Variants in UBAP2L observed in about 807,000 individuals in gnomAD.
UBAP2L encodes the protein ubiquitin associated protein 2 like.
A neutral mutation model predicts 130.6 loss-of-function variants in UBAP2L; 12 were observed. The observed-to-expected ratio is 0.09, with a 90% CI of 0.06 to 0.15. UBAP2L has a LOEUF of 0.15. UBAP2L is among the 10% of genes least tolerant of loss of function. The pLI, the probability that UBAP2L is intolerant of heterozygous loss-of-function variation, is 1.00. For missense variants in UBAP2L, 965 were observed against 1,332.5 expected (o/e 0.72, Z 4.29); for synonymous variants, 503 against 524.7 (o/e 0.96, Z 0.57).
At chr1:154,230,648 C>T (rs1349663287) in intron 4 of UBAP2L, among the ~76,000 whole-genome samples, 5 of 152,236 alleles carry the variant, frequency 3.3e-5, no homozygotes, top group Non-Finnish European at 2.9e-5. Flanking sequence ...ATCTTACCTT[C>T]CAGCATCTTC....
intron 10 of UBAP2L, among the ~76,000 whole-genome samples, chr1:154,245,690 C>T (rs1481118325): frequency 4.0e-5 from 6 of 151,804 alleles, no homozygotes; most frequent in South Asian, 4.2e-4. Context: ...CCAAGGCGGG[C>T]GGATCATGAG....
chr1:154,227,278 C>G lies in UBAP2L; in HGVS notation c.91-4C>G. The stretch of plus-strand genomic sequence containing the variant: ...TGCTTTCTTGATCTCATCTCAATTC[C>G]TAGGCCACTGCAGAACAAATTAGAC... On this transcript the variant is annotated splice_polypyrimidine_tract_variant and splice_region_variant and intron_variant, in intron 2 of 26. Transcript: ENST00000428931. 1.9e-6 allele frequency: 3 copies of G among 1,613,022 alleles called. No homozygotes were observed. The highest frequency in any genetic ancestry group is 2.5e-6 in the Non-Finnish European group (3 of 1,179,270).
intron 8 of UBAP2L, among the ~76,000 whole-genome samples, 178 bp downstream of exon 8, chr1:154,237,314 A>G (rs1672005679): frequency 6.6e-6 from 1 of 152,242 alleles, no homozygotes; most frequent in Non-Finnish European, 1.5e-5. Context: ...TGGGCACATT[A>G]CACATGTTAT....
At chr1:154,225,659 G>A (rs1159128870) in intron 2 of UBAP2L, among the ~76,000 whole-genome samples, 1 of 152,058 alleles carries the variant, frequency 6.6e-6, no homozygotes, top group East Asian at 1.9e-4. Flanking sequence ...TGTAGAGATG[G>A]TAGTCTTGCT....
Position 154,269,251 on chromosome 1 carries a change from TC to T in UBAP2L, c.3168+299del, listed in dbSNP as rs1216476314. ...AGACCTGGGTCACACCTTCCCTCTTTCCTCTCCCAGCCTTCCCTCTTCCCTG... is the reference window on the plus strand; with the variant it reads ...AGACCTGGGTCACACCTTCCCTCTTTCTCTCCCAGCCTTCCCTCTTCCCTG... On this transcript the variant is annotated intron_variant, in intron 26 of 26. Transcript: ENST00000428931. 3.0e-5 allele frequency: 34 copies of T among 1,125,720 alleles called. No individual in the cohort carries two copies. The Admixed American group carries it at 6.9e-4, about 23-fold the overall frequency. 69.7% of individuals were successfully genotyped at this position (1,125,720 alleles called of 1,614,324 possible). A position where few individuals can be genotyped will look rare whatever the true frequency, so the allele number is the denominator to read the frequency against.
intron 15 of UBAP2L, 138 bp downstream of exon 15, chr1:154,254,227 A>G (rs1334058957): frequency 6.4e-6 from 5 of 781,204 alleles, no homozygotes; most frequent in African/African-American, 5.5e-5. Flanking sequence ...AAAGGCACAC[A>G]TCTGTGGCTA....
chr1:154,261,839 C>A, intron 24 of UBAP2L, 142 bp downstream of exon 24: 1 of 776,252 alleles, frequency 1.3e-6, no homozygotes, highest in Non-Finnish European at 2.1e-6. Context: ...GCTTGGCTGA[C>A]TTGGGTATCT....
At chr1:154,265,758 C>T (rs570013387) in intron 24 of UBAP2L, among the ~76,000 whole-genome samples, 1 of 148,984 alleles carries the variant, frequency 6.7e-6, no homozygotes, top group Non-Finnish European at 1.5e-5. Context: ...TTTTATCTTA[C>T]GGAGAAGCTG....
intron 19 of UBAP2L, 26 bp downstream of exon 19, chr1:154,257,284 T>A (rs1451484195): frequency 6.2e-7 from 1 of 1,614,064 alleles, no homozygotes; most frequent in Non-Finnish European, 8.5e-7. Context: ...CAGATGGCAT[T>A]CCTCTGGGAT....
chr1:154,248,992 A>T (rs1676592530), intron 11 of UBAP2L, among the ~76,000 whole-genome samples: 1 of 152,156 alleles, frequency 6.6e-6, no homozygotes, highest in Admixed American at 6.5e-5. Flanking sequence ...CTTTACTTTT[A>T]TTCCTATTTC....
rs531977873 is a variant in UBAP2L at position 154,232,923 on chromosome 1, C to T, written c.280-1668C>T. 9.9e-5 allele frequency among the ~76,000 whole-genome samples: 15 copies of T among 152,238 alleles called. No homozygotes were observed. The East Asian group carries it at 2.3e-3, about 23-fold the overall frequency. The stretch of plus-strand genomic sequence containing the variant: ...TGGTTGCCTGGGCTGGTCTCAGATT[C>T]CTGGCCTGAAATGATCCTCCTGCCT... On this transcript the variant is annotated intron_variant, in intron 4 of 26. Transcript: ENST00000428931.
chr1:154,238,020 G>A (rs1571714679), intron 8 of UBAP2L, among the ~76,000 whole-genome samples: 4 of 152,170 alleles, frequency 2.6e-5, no homozygotes, highest in Admixed American at 2.6e-4. Context: ...AGGGGGATGA[G>A]TAGGGCCTGA....
Position 154,234,714 on chromosome 1 carries a change from G to A in UBAP2L, c.403G>A (p.Gly135Ser), listed in dbSNP as rs777246805. Residue 135 changes from glycine to serine, a missense_variant, in exon 5 of 27, where the codon GGT (glycine) becomes AGT (serine). Physicochemically the swap from Gly to Ser is moderately conservative, Grantham distance 56. Around this residue, in one of 9 missense-constraint regions of UBAP2L, gnomAD observed 109 missense variants for 146.6 expected, o/e 0.74. Coordinates refer to ENST00000428931, the MANE Select transcript of UBAP2L (RefSeq NM_014847.4). ...GGACAGAGACTATAGTCGGCGACGT[G>A]GTGGGCCACCAAGACGGGGGAGAGG... ...DRDRDYSRRR[G>S]GPPRRGRGAS... The A allele has an allele frequency of 2.5e-6, 4 of 1,611,556 alleles. No homozygotes were observed. The highest frequency in any genetic ancestry group is 1.3e-5 in the African/African-American group (1 of 74,886).
Position 154,261,694 on chromosome 1 carries a change from A to G in UBAP2L, c.2899A>G (p.Thr967Ala). The change falls in exon 24 of 27, where the codon ACT becomes GCT. Residue 967 changes from threonine (T) to alanine (A), a missense_variant. Physicochemically the swap from Thr to Ala is moderately conservative, Grantham distance 58. Coordinates refer to ENST00000428931, the MANE Select transcript of UBAP2L (RefSeq NM_014847.4). ...PSGYGSHGYN[T>A]GVSVTSSNTG... Reference sequence around the variant, plus strand: ...TGGATATGGGTCTCATGGATACAACACTGGTAAGCTGACCTTGTCTCTGGC... The same window carrying G: ...TGGATATGGGTCTCATGGATACAACGCTGGTAAGCTGACCTTGTCTCTGGC... 6.2e-7 allele frequency: 1 copy of G among 1,613,946 alleles called. No individual in the cohort carries two copies. Among genetic ancestry groups the G allele is most frequent in the South Asian group, 1.1e-5 (1 of 91,074 alleles).
intron 23 of UBAP2L, among the ~76,000 whole-genome samples, chr1:154,261,322 G>A (rs775800050): frequency 6.6e-5 from 10 of 152,186 alleles, no homozygotes; most frequent in Non-Finnish European, 1.3e-4. Flanking sequence ...ATTTGCCAAA[G>A]GGAGAATATG....
intron 4 of UBAP2L, among the ~76,000 whole-genome samples, chr1:154,230,312 T>C (rs1306967741): frequency 2.0e-5 from 3 of 152,236 alleles, no homozygotes; most frequent in South Asian, 4.1e-4. Flanking sequence ...TGGCCTCAGA[T>C]ACAACAGCTT....
At chr1:154,233,513 C>CTAATATGCTAAGTGACTGAATTA (rs1558134594) in intron 4 of UBAP2L, among the ~76,000 whole-genome samples, 3 of 151,394 alleles carry the variant, frequency 2.0e-5, no homozygotes, top group African/African-American at 7.3e-5. Context: ...TTAGTAGAGA[C>CTAATATGCTAAGTGACTGAATTA]GGGGTTTCAC....
At chr1:154,261,805 G>A (rs1329233448) in intron 24 of UBAP2L, 108 bp downstream of exon 24, 21 of 1,091,154 alleles carry the variant, frequency 1.9e-5, no homozygotes, top group South Asian at 6.9e-5. Flanking sequence ...AGGGTGTGCC[G>A]CTGCCCCAGG....
chr1:154,234,891 C>T, intron 5 of UBAP2L, 132 bp downstream of exon 5: 1 of 1,279,064 alleles, frequency 7.8e-7, no homozygotes. Flanking sequence ...GTCGTCTGTT[C>T]TGAGACCTTG....
Sources: allele counts gnomAD v4.1 joint callset (sites outside exome capture counted in the v4.1 genomes callset), GRCh38; gene constraint gnomAD v4.1.1; regional missense constraint gnomAD v4.1.1; transcripts MANE v1.5; gene names NCBI Gene and HGNC (gene_info 2026-07-23, HGNC 2026-07-21).